Variants in ANO3 observed in about 807,000 individuals in gnomAD.
The protein encoded by ANO3 is anoctamin-3.
ANO3 carries 99 observed loss-of-function variants against 144.8 expected under a neutral mutation model. That is an observed-to-expected ratio of 0.68 (90% CI 0.58 to 0.81). ANO3 has a LOEUF of 0.81. Ranked by LOEUF, ANO3 falls within the 30% of genes least tolerant of loss-of-function variation. ANO3 has a pLI of 0.00. For missense variants in ANO3, 905 were observed against 1,202.2 expected (o/e 0.75, Z 3.66); for synonymous variants, 414 against 392.6 (o/e 1.05, Z -0.64).
chr11:26,519,365 G>T (rs1861980471), intron 6 of ANO3, among the ~76,000 whole-genome samples: 1 of 152,058 alleles, frequency 6.6e-6, no homozygotes, highest in African/African-American at 2.4e-5. Context: ...TTCCGTTGTT[G>T]GCATTATTTT....
In ANO3 at chr11:26,598,846, T is replaced by C. The variant is rs1488447190; in HGVS notation, c.1531-12T>C. On this transcript the variant is annotated splice_polypyrimidine_tract_variant and intron_variant, in intron 15 of 26. Coordinates refer to ENST00000256737, the MANE Select transcript of ANO3 (RefSeq NM_031418.4). ...GGCTTTGATATTTAGATAACTTTCG[T>C]TTCTCTCATAGGAAACACTTCGTCC... 6.2e-7 allele frequency: 1 copy of C among 1,606,752 alleles called. No individual in the cohort carries two copies. Among genetic ancestry groups the C allele is most frequent in the Admixed American group, 1.7e-5 (1 of 57,970 alleles).
rs367822925 is a variant in ANO3, at chr11:26,553,224, G to GTTT, written c.1290-22_1290-20dup. The GTTT allele has an allele frequency of 4.2e-5, 49 of 1,174,304 alleles. 1 individual carries two copies. The highest frequency in any genetic ancestry group is 3.8e-4 in the African/African-American group (17 of 45,004). 72.7% of individuals were successfully genotyped at this position (1,174,304 alleles called of 1,614,324 possible). On this transcript the variant is annotated intron_variant, in intron 12 of 26. Coordinates refer to ENST00000256737, the MANE Select transcript of ANO3 (RefSeq NM_031418.4). ...ACAGTTTCATGCTATGTTTTGTTTT[G>GTTT]TTTTTGTTTTTGTTTTTTCTCAAGC...
chr11:26,289,969 T>C (rs1406156167), intron 1 of ANO3, among the ~76,000 whole-genome samples: 1 of 151,636 alleles, frequency 6.6e-6, no homozygotes, highest in Non-Finnish European at 1.5e-5. Context: ...TCTTTTCCTA[T>C]TGATTGGAAG....
intron 1 of ANO3, among the ~76,000 whole-genome samples, chr11:26,236,782 C>A (rs1374229116): frequency 7.2e-6 from 1 of 138,856 alleles, no homozygotes; most frequent in East Asian, 2.1e-4. Flanking sequence ...CGCGCCACTG[C>A]ACTCCAGCCT....
intron 1 of ANO3, among the ~76,000 whole-genome samples, chr11:26,390,660 T>G (rs769892508): frequency 6.6e-6 from 1 of 152,068 alleles, no homozygotes; most frequent in Non-Finnish European, 1.5e-5. Context: ...CTACATAGTT[T>G]AAATAGAAAA....
intron 3 of ANO3, among the ~76,000 whole-genome samples, chr11:26,461,361 C>T (rs1378420698): frequency 6.6e-6 from 1 of 151,972 alleles, no homozygotes; most frequent in Non-Finnish European, 1.5e-5. Flanking sequence ...TCCAGTTTAC[C>T]TGTGTGTCTA....
At chr11:26,402,052 G>A (rs573667283) in intron 1 of ANO3, among the ~76,000 whole-genome samples, 1 of 152,132 alleles carries the variant, frequency 6.6e-6, no homozygotes, top group African/African-American at 2.4e-5. Context: ...TTATAGATGA[G>A]CATTTAGGAT....
chr11:26,292,850 G>A (rs1484342261), intron 1 of ANO3, among the ~76,000 whole-genome samples: 3 of 152,122 alleles, frequency 2.0e-5, no homozygotes, highest in Admixed American at 1.3e-4. Context: ...GCCCCTACTG[G>A]GAGGTGTCTC....
intron 1 of ANO3, among the ~76,000 whole-genome samples, chr11:26,406,963 T>C (rs76886978): frequency 9.0e-4 from 132 of 145,998 alleles, no homozygotes; most frequent in East Asian, 6.2e-3. Context: ...CATATATATA[T>C]ACACACACGT....
intron 1 of ANO3, among the ~76,000 whole-genome samples, chr11:26,236,512 A>G (rs539902748): frequency 6.6e-5 from 10 of 152,316 alleles, no homozygotes; most frequent in Non-Finnish European, 1.3e-4. Context: ...ATGGTATGAA[A>G]TATTAACTCA....
At chr11:26,246,568 T>A (rs1436173624) in intron 1 of ANO3, among the ~76,000 whole-genome samples, 56 of 149,416 alleles carry the variant, frequency 3.7e-4, no homozygotes, top group African/African-American at 1.3e-3. Flanking sequence ...CTTAATTTTC[T>A]TTTGAATTTT....
At chr11:26,463,221 T>C in intron 4 of ANO3, 73 bp downstream of exon 4, 1 of 773,556 alleles carries the variant, frequency 1.3e-6, no homozygotes, top group Non-Finnish European at 2.1e-6. Flanking sequence ...TTCATCTACA[T>C]ATTTGGTTTT....
intron 9 of ANO3, 71 bp downstream of exon 9, chr11:26,534,633 A>G: frequency 4.7e-6 from 5 of 1,062,176 alleles, no homozygotes; most frequent in Non-Finnish European, 7.2e-6. Flanking sequence ...TGTTTTTTTT[A>G]ACAGCTGTAG....
At chr11:26,595,437 T>C (rs900160659) in intron 14 of ANO3, among the ~76,000 whole-genome samples, 3 of 148,948 alleles carry the variant, frequency 2.0e-5, no homozygotes. Flanking sequence ...GGTAAACTTT[T>C]GACTCAGTAT....
intron 1 of ANO3, among the ~76,000 whole-genome samples, chr11:26,439,274 T>C (rs1035485950): frequency 6.6e-6 from 1 of 152,198 alleles, no homozygotes; most frequent in Non-Finnish European, 1.5e-5. Context: ...AATGGTTTCA[T>C]AGATACAGCA....
chr11:26,563,425 G>GTGTC (rs1328786503), intron 14 of ANO3, among the ~76,000 whole-genome samples: 9 of 124,750 alleles, frequency 7.2e-5, no homozygotes, highest in African/African-American at 2.3e-4. Context: ...GTGTGTGTGT[G>GTGTC]TGTGTGTCTT....
At position 26,553,288 on chromosome 11, in the gene ANO3, T is replaced by C; in HGVS notation, c.1329T>C (p.Pro443=). ...AAGCCACTGAAGTCTTTATGTGCCC[T>C]CTCTGTGACAAGAACTGCTCCCTGC... ...ICKATEVFMC[P]LCDKNCSLQR... is the part of the protein sequence containing the mutation. Residue 443 remains proline, a synonymous_variant, in exon 13 of 27, where the codon CCT becomes CCC. Transcript: ENST00000256737. 6.3e-7 allele frequency: 1 copy of C among 1,588,760 alleles called. No homozygotes were observed.
chr11:26,524,220 G>A (rs934671300), intron 6 of ANO3, among the ~76,000 whole-genome samples: 1 of 152,068 alleles, frequency 6.6e-6, no homozygotes, highest in African/African-American at 2.4e-5. Context: ...AGTGAAGTAC[G>A]CACACAAGCT....
At chr11:26,189,345 A>G in intron 1 of ANO3, 1 of 984,070 alleles carries the variant, frequency 1.0e-6, no homozygotes, top group Non-Finnish European at 1.2e-6. Context: ...GCTAACCTTT[A>G]GATTGATATG....
Sources: allele counts gnomAD v4.1 joint callset (sites outside exome capture counted in the v4.1 genomes callset), GRCh38; gene constraint gnomAD v4.1.1; transcripts MANE v1.5; gene names NCBI Gene and HGNC (gene_info 2026-07-23, HGNC 2026-07-21).